The following U2SURP variants were observed in gnomAD, a reference collection of about 807,000 sequenced individuals.
The protein encoded by U2SURP is U2 snRNP associated SURP domain containing.
In U2SURP, 9 loss-of-function variants were observed where a neutral mutation model predicts 144.9. That is an observed-to-expected ratio of 0.06 (90% CI 0.04 to 0.11). U2SURP has a LOEUF of 0.11. Ranked by LOEUF, U2SURP falls within the 10% of genes least tolerant of loss-of-function variation. U2SURP has a pLI of 1.00. For missense variants in U2SURP, 724 were observed against 1,226.7 expected, an observed-to-expected ratio of 0.59 and a Z score of 6.12; for synonymous variants, 408 against 396.8, an observed-to-expected ratio of 1.03 and a Z score of -0.33.
In U2SURP at chr3:143,055,169, A is replaced by G. The variant is rs1361826773; in HGVS notation, c.2951+50A>G. 3 of 1,435,192 alleles carry G rather than the reference A, an allele frequency of 2.1e-6. No individual in the cohort carries two copies. The South Asian group carries it at 4.2e-5, about 20-fold the overall frequency. 88.9% of individuals were successfully genotyped at this position (1,435,192 alleles called of 1,614,324 possible). A position where few individuals can be genotyped will look rare whatever the true frequency, so the allele number is the denominator to read the frequency against. On this transcript the variant is annotated intron_variant, in intron 27 of 27. Coordinates refer to ENST00000473835, the MANE Select transcript of U2SURP (RefSeq NM_001080415.2). ...TATTTCAGATACCAGTTTCCTTGTCATTTCATCAGCTTTTGAAAATAATTT... is the reference window on the plus strand; with the variant it reads ...TATTTCAGATACCAGTTTCCTTGTCGTTTCATCAGCTTTTGAAAATAATTT...
chr3:143,018,710 T>C (rs2108280315), intron 6 of U2SURP, among the ~76,000 whole-genome samples: 1 of 152,266 alleles, frequency 6.6e-6, no homozygotes, highest in Non-Finnish European at 1.5e-5. Flanking sequence ...TCTCACGTCG[T>C]ACACTAACAC....
intron 10 of U2SURP, 169 bp downstream of exon 10, chr3:143,021,724 T>G: frequency 1.6e-6 from 1 of 642,958 alleles, no homozygotes; most frequent in Non-Finnish European, 2.7e-6. Context: ...ATATTCTTGT[T>G]TCCTCTTTCA....
chr3:143,001,694 G>A, intron 1 of U2SURP, 21 bp downstream of exon 1: 1 of 1,613,420 alleles, frequency 6.2e-7, no homozygotes, highest in Non-Finnish European at 8.5e-7. Flanking sequence ...ACAAAATTTC[G>A]TAAGTCAGCG....
intron 18 of U2SURP, among the ~76,000 whole-genome samples, chr3:143,033,774 G>A (rs1271562953): frequency 6.6e-6 from 1 of 152,124 alleles, no homozygotes; most frequent in East Asian, 1.9e-4. Flanking sequence ...CATGGATACT[G>A]AGGGAAGACT....
chr3:143,010,944 G>C (rs1400769686), intron 2 of U2SURP, 85 bp downstream of exon 2: 1 of 1,017,434 alleles, frequency 9.8e-7, no homozygotes, highest in African/African-American at 1.7e-5. Context: ...GATTTTACTT[G>C]ACAAATAAAT....
chr3:143,017,348 G>T (rs1469124075), intron 6 of U2SURP: 1 of 157,104 alleles, frequency 6.4e-6, no homozygotes, highest in Non-Finnish European at 1.4e-5. Flanking sequence ...ATATTTCCCA[G>T]AACATTTTTG....
intron 23 of U2SURP, among the ~76,000 whole-genome samples, chr3:143,042,561 T>G (rs919997675): frequency 1.3e-5 from 2 of 152,144 alleles, no homozygotes; most frequent in African/African-American, 4.8e-5. Flanking sequence ...CTGAACAATG[T>G]ACACTGTACC....
At chr3:143,050,912 T>C in intron 24 of U2SURP, 27 bp from the exon 25 acceptor site, 2 of 1,472,934 alleles carry the variant, frequency 1.4e-6, no homozygotes, top group Non-Finnish European at 1.9e-6. Flanking sequence ...ATGAAAATGC[T>C]TATTTTTAAA....
Position 143,032,859 on chromosome 3 carries a change from C to T in U2SURP, c.1686C>T (p.Phe562=). The T allele has an allele frequency of 6.2e-7, 1 of 1,613,662 alleles. No individual in the cohort carries two copies. The highest frequency in any genetic ancestry group is 8.5e-7 in the Non-Finnish European group (1 of 1,179,730). ...RKNDIGDAMV[F]CLNNAEAAEE... ...ATGATATTGGAGATGCAATGGTTTTCTGTCTTAATAATGCTGAAGCTGCTG... is the reference window on the plus strand; with the variant it reads ...ATGATATTGGAGATGCAATGGTTTTTTGTCTTAATAATGCTGAAGCTGCTG... Residue 562 remains phenylalanine (F), a synonymous_variant, in exon 17 of 28, where the codon TTC becomes TTT. Coordinates refer to ENST00000473835, the MANE Select transcript of U2SURP (RefSeq NM_001080415.2).
chr3:143,044,289 C>CTTTTTTTTTTTTTTTTTTTTTTTTTTT (rs56916268), intron 24 of U2SURP, among the ~76,000 whole-genome samples: 5 of 81,376 alleles, frequency 6.1e-5, no homozygotes, highest in East Asian at 3.9e-4. Context: ...CTCCCCTCTC[C>CTTTTTTTTTTTTTTTTTTTTTTTTTTT]TTTTTTTTTT....
chr3:143,010,983 C>G (rs1578114524), intron 2 of U2SURP, 124 bp downstream of exon 2: 1 of 652,492 alleles, frequency 1.5e-6, no homozygotes, highest in Non-Finnish European at 2.3e-6. Flanking sequence ...TTCTTTTACT[C>G]TTTTTTTTCT....
chr3:143,016,912 T>C lies in U2SURP; in HGVS notation c.507T>C (p.Asn169=). 2 of 1,596,148 alleles carry C rather than the reference T, an allele frequency of 1.3e-6. No homozygotes were observed. The change falls in exon 6 of 28, where the codon AAT becomes AAC. Residue 169 remains asparagine, a synonymous_variant. Coordinates refer to ENST00000473835, the MANE Select transcript of U2SURP (RefSeq NM_001080415.2). The part of the protein sequence containing the change: ...KPSSRFADQK[N]PPNQSSNERP... ...CTTCAAGATTTGCAGATCAAAAAAA[T>C]CCTCCAAATCAGTCTTCCAATGAAA...
chr3:143,058,103 T>A lies in U2SURP; in HGVS notation c.*1653T>A, dbSNP rs1287091109. On this transcript the variant is annotated 3_prime_UTR_variant, in exon 28 of 28. Transcript: ENST00000473835. ...CATTTGGTGCTGATACTCAAAAACC[T>A]ACAAATGTAGCCATTTAAAAAGTAA... is the stretch of plus-strand genomic sequence containing the variant. 6.6e-6 allele frequency: 1 copy of A among 152,430 alleles called. No individual in the cohort carries two copies. The highest frequency in any genetic ancestry group is 6.6e-5 in the Admixed American group (1 of 15,260). The allele number at this position is 152,430 out of a possible 1,614,324, so 9.4% of individuals were successfully genotyped here. A position where few individuals can be genotyped will look rare whatever the true frequency, so the allele number is the denominator to read the frequency against.
chr3:143,035,954 G>T (rs1400813574), intron 19 of U2SURP, 28 bp from the exon 20 acceptor site: 24 of 1,569,206 alleles, frequency 1.5e-5, no homozygotes, highest in Non-Finnish European at 1.9e-5. Context: ...CAAAATAAAA[G>T]TTTGTTGTCT....
rs565128035 is a variant in U2SURP, at chr3:143,052,466, T to C, written c.2656-1210T>C. Among the ~76,000 whole-genome samples, 126 of 152,344 alleles carry C rather than the reference T, an allele frequency of 8.3e-4. 1 individual carries two copies. The highest frequency in any genetic ancestry group is 1.7e-3 in the Non-Finnish European group (113 of 68,020). ...TTACACCTTGAGATGCTCACTGTTC[T>C]GATGGTAGCAAGCACAAAATACATA... On this transcript the variant is annotated intron_variant, in intron 25 of 27. Coordinates refer to ENST00000473835, the MANE Select transcript of U2SURP (RefSeq NM_001080415.2).
chr3:143,031,416 T>C (rs1386648351), intron 16 of U2SURP, among the ~76,000 whole-genome samples: 1 of 151,230 alleles, frequency 6.6e-6, no homozygotes, highest in Non-Finnish European at 1.5e-5. Context: ...AACCTTCAGC[T>C]ACCACCGCCC....
At chr3:143,019,666 G>T (rs917810353) in intron 6 of U2SURP, among the ~76,000 whole-genome samples, 4 of 152,184 alleles carry the variant, frequency 2.6e-5, no homozygotes, top group African/African-American at 9.6e-5. Context: ...CTCCAGAGGT[G>T]ATTTTTGAAG....
At chr3:143,034,331 G>A (rs542398648) in intron 18 of U2SURP, among the ~76,000 whole-genome samples, 7 of 152,204 alleles carry the variant, frequency 4.6e-5, no homozygotes, top group African/African-American at 1.7e-4. Flanking sequence ...TTGAACCCGG[G>A]AGGCGGAGGT....
rs1056565166 is a variant in U2SURP at position 143,043,047 on chromosome 3, A to C, written c.2385-70A>C. The stretch of plus-strand genomic sequence containing the variant: ...AAGCTCTAAGACAATGAAAAATAAA[A>C]TAGGTAGACTGTAAAATATGGTACT... On this transcript the variant is annotated intron_variant, in intron 23 of 27. Transcript: ENST00000473835. The C allele has an allele frequency of 5.1e-6, 7 of 1,383,508 alleles. No homozygotes were observed. In the East Asian group the frequency reaches 1.7e-4, roughly 34 times the overall value. The allele number at this position is 1,383,508 out of a possible 1,614,324, so 85.7% of individuals were successfully genotyped here. A position where few individuals can be genotyped will look rare whatever the true frequency, so the allele number is the denominator to read the frequency against.
Sources: allele counts gnomAD v4.1 joint callset (sites outside exome capture counted in the v4.1 genomes callset), GRCh38; gene constraint gnomAD v4.1.1; transcripts MANE v1.5; gene names NCBI Gene and HGNC (gene_info 2026-07-23, HGNC 2026-07-21).